TMEM177: variants seen among roughly 807,000 people sequenced by gnomAD.
TMEM177 encodes transmembrane protein 177.
Under a neutral mutation model 14.2 loss-of-function variants are expected in TMEM177, and 4 were observed. That is an observed-to-expected ratio of 0.28 (90% confidence interval 0.14 to 0.64). The LOEUF (loss-of-function observed/expected upper bound fraction) is 0.64. Among genes scored for constraint, TMEM177 ranks in the 30% least tolerant of loss-of-function variants. TMEM177 has a pLI of 0.82. For synonymous variants in TMEM177, 179 were observed against 174.5 expected (o/e 1.03, Z -0.20); for missense variants, 344 against 405.2 (o/e 0.85, Z 1.30).
chr2:119,698,600 G>A, the TMEM177 span: 2 of 173,120 alleles, frequency 1.2e-5, no homozygotes, highest in African/African-American at 4.7e-5. Flanking sequence ...CTTCTCCTAA[G>A]TGGCTTGAGA....
At chr2:119,683,839 C>T (rs1209621616), downstream of TMEM177, among the ~76,000 whole-genome samples, 1 of 152,186 alleles carries the variant, frequency 6.6e-6, no homozygotes. Context: ...CAGCCCGGCT[C>T]AGGCCACCTC....
At chr2:119,723,108 T>G in the TMEM177 span, among the ~76,000 whole-genome samples, 1 of 152,208 alleles carries the variant, frequency 6.6e-6, no homozygotes, top group African/African-American at 2.4e-5. Context: ...TAAGTATCCC[T>G]GCTATAAGCC....
the TMEM177 span, among the ~76,000 whole-genome samples, chr2:119,715,422 A>AGAGACC: frequency 3.3e-5 from 5 of 152,266 alleles, no homozygotes; most frequent in Middle Eastern, 3.4e-3. Flanking sequence ...AGACAGAGAC[A>AGAGACC]GACGGAAGAT....
the TMEM177 span, among the ~76,000 whole-genome samples, chr2:119,709,629 G>A: frequency 6.6e-6 from 1 of 152,156 alleles, no homozygotes; most frequent in Non-Finnish European, 1.5e-5. Context: ...AGACCATCCT[G>A]GCTGGCTAAC....
the TMEM177 span, among the ~76,000 whole-genome samples, chr2:119,697,500 G>C: frequency 1.3e-5 from 2 of 152,166 alleles, no homozygotes; most frequent in Admixed American, 1.3e-4. Context: ...AGTGAGCTGA[G>C]ATGGAGCCAC....
In TMEM177 at chr2:119,681,484, G is replaced by A; in HGVS notation, c.631G>A (p.Ala211Thr). The A allele has an allele frequency of 6.2e-7, 1 of 1,613,438 alleles. No individual in the cohort carries two copies. Among genetic ancestry groups the A allele is most frequent in the South Asian group, 1.1e-5 (1 of 91,090 alleles). ...RAAFSLVAAV[A>T]GFVAYAFSQD... ...TGCCTTCAGCTTGGTGGCAGCAGTG[G>A]CAGGCTTTGTGGCCTACGCCTTCTC... The change falls in exon 2 of 2, where the codon GCA becomes ACA. Residue 211 changes from alanine to threonine, a missense_variant. By Grantham distance (58) the Ala-to-Thr change is moderately conservative (BLOSUM62 0). Coordinates refer to ENST00000272521, the MANE Select transcript of TMEM177 (RefSeq NM_030577.3).
chr2:119,698,607 G>C, the TMEM177 span: 1 of 177,064 alleles, frequency 5.6e-6, no homozygotes, highest in African/African-American at 2.4e-5. Flanking sequence ...TAAGTGGCTT[G>C]AGATGATCTG....
At position 119,681,907 on chromosome 2, in the gene TMEM177, G is replaced by T; in HGVS notation, c.*118G>T. The stretch of plus-strand genomic sequence containing the variant: ...ACGGCCAGAAAAATCACTGGCTTTG[G>T]AATTAAATAGCTTAGATTGTACTAT... On this transcript the variant is annotated 3_prime_UTR_variant, in exon 2 of 2. Coordinates refer to ENST00000272521, the MANE Select transcript of TMEM177 (RefSeq NM_030577.3). The T allele has an allele frequency of 1.1e-6, 1 of 870,356 alleles. No homozygotes were observed. The highest frequency in any genetic ancestry group is 1.8e-6 in the Non-Finnish European group (1 of 556,858). The allele number at this position is 870,356 out of a possible 1,614,324, so 53.9% of individuals were successfully genotyped here.
the TMEM177 span, chr2:119,699,861 G>A: frequency 2.4e-6 from 1 of 422,672 alleles, no homozygotes; most frequent in South Asian, 1.8e-5. Flanking sequence ...GGTCCAAAAA[G>A]AGTGCTGAGT....
chr2:119,720,144 T>A, the TMEM177 span, among the ~76,000 whole-genome samples: 2 of 152,008 alleles, frequency 1.3e-5, no homozygotes, highest in Non-Finnish European at 2.9e-5. Context: ...CCAAAATTTT[T>A]AAAAATATCA....
the TMEM177 span, among the ~76,000 whole-genome samples, chr2:119,707,066 A>G: frequency 6.6e-6 from 1 of 151,942 alleles, no homozygotes. Flanking sequence ...CGCCCACCAC[A>G]ACGCCCAGCT....
the TMEM177 span, chr2:119,699,963 T>C: frequency 2.6e-6 from 1 of 382,794 alleles, no homozygotes; most frequent in South Asian, 2.1e-5. Flanking sequence ...TCCAGGTGAA[T>C]AAAGCACGTA....
At chr2:119,687,815 G>A (rs1357849116), downstream of TMEM177, among the ~76,000 whole-genome samples, 1 of 152,196 alleles carries the variant, frequency 6.6e-6, no homozygotes, top group Admixed American at 6.5e-5. Flanking sequence ...AATCCATGTT[G>A]TAGTAAGCCA....
downstream of TMEM177, among the ~76,000 whole-genome samples, chr2:119,690,026 C>A (rs1306961421): frequency 6.6e-6 from 1 of 152,162 alleles, no homozygotes; most frequent in Admixed American, 6.5e-5. Flanking sequence ...AAAGGTAAGT[C>A]ATAGCAATGG....
the TMEM177 span, among the ~76,000 whole-genome samples, chr2:119,701,856 G>A: frequency 2.6e-5 from 4 of 152,312 alleles, no homozygotes; most frequent in African/African-American, 9.6e-5. Context: ...AATCAGAGAG[G>A]ATCAAAGTGA....
chr2:119,721,103 T>C, the TMEM177 span, among the ~76,000 whole-genome samples: 1 of 152,220 alleles, frequency 6.6e-6, no homozygotes, highest in Non-Finnish European at 1.5e-5. Flanking sequence ...ATGAGCTCCA[T>C]GGATTACACC....
chr2:119,700,193 GAAAGA>G, the TMEM177 span: 1 of 166,358 alleles, frequency 6.0e-6, no homozygotes, highest in Non-Finnish European at 1.3e-5. Flanking sequence ...AAAGGAAACA[GAAAGA>G]AAGAAGGAAC....
At chr2:119,693,248 C>A in the TMEM177 span, among the ~76,000 whole-genome samples, 1 of 152,138 alleles carries the variant, frequency 6.6e-6, no homozygotes, top group Non-Finnish European at 1.5e-5. Context: ...CCCCTGGAGA[C>A]CCTGGGGTGC....
chr2:119,722,866 A>G, the TMEM177 span, among the ~76,000 whole-genome samples: 1,067 of 152,310 alleles, frequency 7.0e-3, 25 homozygotes, highest in East Asian at 0.066. Flanking sequence ...GAATAACTGG[A>G]ACCTTTTCCT....
Sources: allele counts gnomAD v4.1 joint callset (sites outside exome capture counted in the v4.1 genomes callset), GRCh38; gene constraint gnomAD v4.1.1; transcripts MANE v1.5; gene names NCBI Gene and HGNC (gene_info 2026-07-23, HGNC 2026-07-21).